HS3ST4: variants seen among roughly 807,000 people sequenced by gnomAD.
HS3ST4 encodes the protein heparan sulfate-glucosamine 3-sulfotransferase 4, also known as heparan sulfate glucosamine 3-O-sulfotransferase 4.
A neutral mutation model predicts 29.2 loss-of-function variants in HS3ST4; 17 were observed. The ratio of observed to expected loss-of-function variants is 0.58; its 90% CI spans 0.40 to 0.87. The LOEUF is 0.87. Ranked by LOEUF, HS3ST4 falls within the 40% of genes least tolerant of loss-of-function variation. The probability of loss-of-function intolerance (pLI) is 0.00; values close to 1 mark genes in which losing one functional copy is unlikely to be tolerated. For synonymous variants in HS3ST4, 314 were observed against 285.7 expected, an observed-to-expected ratio of 1.10 and a Z score of -1.00; for missense variants, 627 against 634.5, an observed-to-expected ratio of 0.99 and a Z score of 0.13.
At chr16:25,892,881 G>T (rs1968023979) in intron 1 of HS3ST4, among the ~76,000 whole-genome samples, 1 of 152,166 alleles carries the variant, frequency 6.6e-6, no homozygotes, top group Non-Finnish European at 1.5e-5. Flanking sequence ...CAAAGTCCTT[G>T]ACCTCACGGA....
intron 1 of HS3ST4, among the ~76,000 whole-genome samples, chr16:25,705,419 A>C (rs188487375): frequency 6.6e-6 from 1 of 152,120 alleles, no homozygotes; most frequent in East Asian, 1.9e-4. Flanking sequence ...TAATCCCAGC[A>C]CTTTGGGAGG....
intron 1 of HS3ST4, among the ~76,000 whole-genome samples, chr16:25,794,880 A>G (rs1028719786): frequency 6.9e-6 from 1 of 145,358 alleles, no homozygotes; most frequent in African/African-American, 2.6e-5. Context: ...ATATGTGGTA[A>G]ACCTTTACTC....
At chr16:25,916,673 CTTTTT>C (rs34339195) in intron 1 of HS3ST4, among the ~76,000 whole-genome samples, 1 of 92,162 alleles carries the variant, frequency 1.1e-5, no homozygotes, top group Non-Finnish European at 2.1e-5. Context: ...CAAATGCATT[CTTTTT>C]TTTTTTTTTT....
chr16:26,013,827 G>A (rs1310356221), intron 1 of HS3ST4, among the ~76,000 whole-genome samples: 2 of 151,964 alleles, frequency 1.3e-5, no homozygotes, highest in African/African-American at 4.8e-5. Flanking sequence ...GGCCAACATG[G>A]TGAAACCCCA....
chr16:25,781,973 TG>T (rs1164403287), intron 1 of HS3ST4, among the ~76,000 whole-genome samples: 1 of 152,090 alleles, frequency 6.6e-6, no homozygotes, highest in African/African-American at 2.4e-5. Context: ...TAAAAAGAAC[TG>T]CCCAAGACTG....
intron 1 of HS3ST4, among the ~76,000 whole-genome samples, chr16:26,115,495 A>G (rs1188360257): frequency 6.6e-6 from 1 of 152,094 alleles, no homozygotes; most frequent in Non-Finnish European, 1.5e-5. Context: ...GAGATGGCTG[A>G]AAGGGCGGGA....
intron 1 of HS3ST4, among the ~76,000 whole-genome samples, chr16:26,120,224 C>T (rs1899257200): frequency 6.6e-6 from 1 of 152,104 alleles, no homozygotes; most frequent in African/African-American, 2.4e-5. Flanking sequence ...TTCTGTCTAT[C>T]CATCATTTCT....
intron 1 of HS3ST4, among the ~76,000 whole-genome samples, chr16:25,741,201 A>T (rs926388541): frequency 1.3e-5 from 2 of 151,984 alleles, no homozygotes; most frequent in African/African-American, 4.8e-5. Flanking sequence ...TACATTTGAA[A>T]ATCTGAGATG....
rs117243515 is a variant in HS3ST4 at position 25,830,732 on chromosome 16, T to C, written c.734+137581T>C. 1.3e-3 allele frequency among the ~76,000 whole-genome samples: 191 copies of C among 152,112 alleles called. 3 individuals are homozygous for C. In the East Asian group the frequency reaches 0.033, roughly 26 times the overall value. On this transcript the variant is annotated intron_variant, in intron 1 of 1. Coordinates refer to ENST00000331351, the MANE Select transcript of HS3ST4 (RefSeq NM_006040.3). Reference sequence around the variant, plus strand: ...TTCAATCCATGTCTTTTTTTTTTTTTAGCTGTCAGCTCTATCCCCAATTGG... The same window carrying C: ...TTCAATCCATGTCTTTTTTTTTTTTCAGCTGTCAGCTCTATCCCCAATTGG...
chr16:25,753,777 A>G (rs1208128525), intron 1 of HS3ST4, among the ~76,000 whole-genome samples: 1 of 152,188 alleles, frequency 6.6e-6, no homozygotes, highest in Non-Finnish European at 1.5e-5. Context: ...CAATAAAAGC[A>G]CCAAACAAAT....
chr16:25,694,597 T>C (rs1966279890), intron 1 of HS3ST4, among the ~76,000 whole-genome samples: 1 of 152,178 alleles, frequency 6.6e-6, no homozygotes, highest in Non-Finnish European at 1.5e-5. Flanking sequence ...TCAGAAGCCA[T>C]GGCTTCCAGT....
chr16:26,027,767 C>T (rs1175941290), intron 1 of HS3ST4, among the ~76,000 whole-genome samples: 1 of 152,126 alleles, frequency 6.6e-6, no homozygotes, highest in African/African-American at 2.4e-5. Flanking sequence ...CCTGATGTAA[C>T]AGAAGAAGAA....
At chr16:25,851,626 C>T (rs1348186284) in intron 1 of HS3ST4, among the ~76,000 whole-genome samples, 1 of 152,142 alleles carries the variant, frequency 6.6e-6, no homozygotes, top group Non-Finnish European at 1.5e-5. Context: ...TTTGGCAAAG[C>T]TGGTGCAGCA....
chr16:25,700,698 C>G (rs779253455), intron 1 of HS3ST4, among the ~76,000 whole-genome samples: 1 of 152,132 alleles, frequency 6.6e-6, no homozygotes, highest in Non-Finnish European at 1.5e-5. Flanking sequence ...AAGTAATCTC[C>G]TGATTTCATT....
chr16:25,692,016 C>T lies in HS3ST4; in HGVS notation c.-402C>T, dbSNP rs74713459. On this transcript the variant is annotated 5_prime_UTR_variant, in exon 1 of 2. Transcript: ENST00000331351. Reference sequence around the variant, plus strand: ...AAAGTTAGCAGCGGGGAAGGAACTCCGGGCTGCAACAGCGCGCGGCGGCGG... The same window carrying T: ...AAAGTTAGCAGCGGGGAAGGAACTCTGGGCTGCAACAGCGCGCGGCGGCGG... 109,770 of 151,454 alleles carry T rather than the reference C, an allele frequency of 0.72. 40,842 individuals carry two copies. Among genetic ancestry groups the T allele is most frequent in the Non-Finnish European group, 0.81 (55,154 of 68,036 alleles). 9.4% of individuals were successfully genotyped at this position (151,454 alleles called of 1,614,324 possible).
intron 1 of HS3ST4, among the ~76,000 whole-genome samples, chr16:26,061,349 G>A (rs1274494620): frequency 1.3e-5 from 2 of 152,128 alleles, no homozygotes; most frequent in African/African-American, 2.4e-5. Flanking sequence ...GTTGCTGAAC[G>A]GCGTGGTCCT....
chr16:25,905,009 A>G (rs1968165835), intron 1 of HS3ST4, among the ~76,000 whole-genome samples: 1 of 152,142 alleles, frequency 6.6e-6, no homozygotes, highest in Non-Finnish European at 1.5e-5. Flanking sequence ...TATGCTTTCT[A>G]CCTTTTAAGA....
Position 25,892,411 on chromosome 16 carries a change from A to T in HS3ST4, c.734+199260A>T, listed in dbSNP as rs1343698167. On this transcript the variant is annotated intron_variant, in intron 1 of 1. Coordinates refer to ENST00000331351, the MANE Select transcript of HS3ST4 (RefSeq NM_006040.3). ...TCTCCTCTGTGTCTCATTGAGCCTC[A>T]TCTTACTTGCCAGGTAAAAGGCCTG... Among the ~76,000 whole-genome samples the T allele has an allele frequency of 3.3e-5, 5 of 152,316 alleles. No individual in the cohort carries two copies. In the East Asian group the frequency reaches 9.6e-4, roughly 29 times the overall value.
At chr16:26,053,803 T>G (rs2141767127) in intron 1 of HS3ST4, among the ~76,000 whole-genome samples, 1 of 152,318 alleles carries the variant, frequency 6.6e-6, no homozygotes, top group South Asian at 2.1e-4. Flanking sequence ...GGATATTTTA[T>G]GCAAGTGTAA....
Sources: allele counts gnomAD v4.1 joint callset (sites outside exome capture counted in the v4.1 genomes callset), GRCh38; gene constraint gnomAD v4.1.1; transcripts MANE v1.5; gene names NCBI Gene and HGNC (gene_info 2026-07-23, HGNC 2026-07-21).